Variants in RPS27A observed in about 807,000 individuals in gnomAD.
RPS27A encodes the protein ubiquitin-ribosomal protein eS31 fusion protein.
In RPS27A, 1 loss-of-function variant was observed where a neutral mutation model predicts 18.9. That is an observed-to-expected ratio of 0.05 (90% confidence interval 0.02 to 0.25). RPS27A has a LOEUF of 0.25. Among genes scored for constraint, RPS27A ranks in the 10% least tolerant of loss-of-function variants. The pLI is 1.00. For synonymous variants in RPS27A, 77 were observed against 63.7 expected (o/e 1.21, Z -0.99); for missense variants, 123 against 187.4 (o/e 0.66, Z 2.01).
chr2:55,234,418 T>G, intron 4 of RPS27A: 1 of 597,742 alleles, frequency 1.7e-6, no homozygotes, highest in Non-Finnish European at 3.0e-6. Context: ...CCCAGGCTGG[T>G]CTCAAACTCC....
At chr2:55,234,320 G>A (rs1030565543) in intron 4 of RPS27A, 116 bp downstream of exon 4, 17 of 747,542 alleles carry the variant, frequency 2.3e-5, no homozygotes, top group African/African-American at 7.0e-5. Flanking sequence ...AGTGAGTGGC[G>A]CAGTCACTGC....
chr2:55,233,577 A>G, intron 3 of RPS27A, 160 bp downstream of exon 3: 1 of 673,486 alleles, frequency 1.5e-6, no homozygotes, highest in South Asian at 1.6e-5. Flanking sequence ...CGGGGAGCAC[A>G]GTACCTAGAT....
At chr2:55,234,539 T>G in intron 4 of RPS27A, 1 of 546,252 alleles carries the variant, frequency 1.8e-6, no homozygotes, top group Non-Finnish European at 3.3e-6. Context: ...GAAAATGGCA[T>G]TCGAATAGCA....
At position 55,235,629 on chromosome 2, in the gene RPS27A, G is replaced by T. The variant is rs536517684; in HGVS notation, c.*52G>T. 2 of 1,587,292 alleles carry T rather than the reference G, an allele frequency of 1.3e-6. No individual in the cohort carries two copies. Among genetic ancestry groups the T allele is most frequent in the Admixed American group, 3.3e-5 (2 of 59,958 alleles). On this transcript the variant is annotated 3_prime_UTR_variant, in exon 6 of 6. Coordinates refer to ENST00000272317, the MANE Select transcript of RPS27A (RefSeq NM_002954.6). ...CTAACATTTATTGTTGGGTTTTATT[G>T]CAGTAAAAAGAATGGTTTTTAAGCA...
chr2:55,232,912 A>T, intron 2 of RPS27A, 40 bp downstream of exon 2: 1 of 1,550,102 alleles, frequency 6.5e-7, no homozygotes, highest in East Asian at 2.2e-5. Context: ...AGGTCCGAAT[A>T]AGGTCCTGAG....
chr2:55,233,274 G>C (rs1431485144), intron 2 of RPS27A, 89 bp from the exon 3 acceptor site: 3 of 1,117,132 alleles, frequency 2.7e-6, no homozygotes, highest in South Asian at 2.5e-5. Context: ...CCTGTCGCTG[G>C]TTCGGTTCAG....
At position 55,232,722 on chromosome 2, in the gene RPS27A, C is replaced by G. The variant is rs1221974177; in HGVS notation, c.-18+14C>G. The G allele has an allele frequency of 8.6e-6, 9 of 1,050,686 alleles. No individual in the cohort carries two copies. Among genetic ancestry groups the G allele is most frequent in the Admixed American group, 2.0e-5 (1 of 50,506 alleles). The allele number at this position is 1,050,686 out of a possible 1,614,324, so 65.1% of individuals were successfully genotyped here. ...CCGCCATCTGCGGTGGGTGTCTGCA[C>G]TTCGGCTGCTCTCGGGTTAGCACCC... On this transcript the variant is annotated intron_variant, in intron 1 of 5. Coordinates refer to ENST00000272317, the MANE Select transcript of RPS27A (RefSeq NM_002954.6).
At chr2:55,233,816 G>A (rs1675639886) in intron 3 of RPS27A, 2 of 497,052 alleles carry the variant, frequency 4.0e-6, no homozygotes, top group Non-Finnish European at 7.3e-6. Flanking sequence ...TTTTAGTAGA[G>A]ACTGGGTTTT....
chr2:55,235,171 GT>G (rs1675725907), intron 5 of RPS27A: 2 of 712,572 alleles, frequency 2.8e-6, no homozygotes, highest in African/African-American at 3.6e-5. Context: ...AGGGTTCTGA[GT>G]TTAAAGTCGG....
chr2:55,233,380 G>A lies in RPS27A; in HGVS notation c.66G>A (p.Thr22=). The A allele has an allele frequency of 6.2e-7, 1 of 1,613,464 alleles. No individual in the cohort carries two copies. The highest frequency in any genetic ancestry group is 8.5e-7 in the Non-Finnish European group (1 of 1,179,402). ...ACTCATAGGTTGAACCCTCGGATAC[G>A]ATAGAAAATGTAAAGGCCAAGATCC... is the stretch of plus-strand genomic sequence containing the variant. ...TITLEVEPSD[T]IENVKAKIQD... Residue 22 remains threonine (T), a synonymous_variant, in exon 3 of 6, where the codon ACG becomes ACA. Transcript: ENST00000272317.
At chr2:55,234,750 T>C in intron 4 of RPS27A, 81 bp from the exon 5 acceptor site, 1 of 1,531,926 alleles carries the variant, frequency 6.5e-7, no homozygotes, top group Non-Finnish European at 9.0e-7. Flanking sequence ...CTGCTACTGC[T>C]TTTAATTAGA....
chr2:55,234,675 C>T (rs190735704), intron 4 of RPS27A, 156 bp from the exon 5 acceptor site: 74 of 808,660 alleles, frequency 9.2e-5, no homozygotes, highest in African/African-American at 9.1e-4. Context: ...TATAAACTGT[C>T]AGTTAAGAAT....
chr2:55,232,816 G>A lies in RPS27A; in HGVS notation c.-9G>A. 2 of 1,611,378 alleles carry A rather than the reference G, an allele frequency of 1.2e-6. No homozygotes were observed. The highest frequency in any genetic ancestry group is 1.1e-5 in the South Asian group (1 of 90,384). ...CTTTTCCTCAACCTCAGGTGGAGCC[G>A]CCACCAAAATGCAGATTTTCGTGAA... On this transcript the variant is annotated 5_prime_UTR_variant, in exon 2 of 6. Transcript: ENST00000272317.
At chr2:55,232,571 C>G, upstream of RPS27A, 1 of 576,506 alleles carries the variant, frequency 1.7e-6, no homozygotes, top group Non-Finnish European at 3.1e-6. Context: ...ACGTCCTAGT[C>G]TGGCACCGGG....
chr2:55,234,429 T>C, intron 4 of RPS27A: 1 of 593,494 alleles, frequency 1.7e-6, no homozygotes, highest in East Asian at 2.8e-5. Context: ...CTCAAACTCC[T>C]GGGCATAAGT....
At chr2:55,234,787 T>G (rs1251584447) in intron 4 of RPS27A, 44 bp from the exon 5 acceptor site, 10 of 1,610,208 alleles carry the variant, frequency 6.2e-6, no homozygotes, top group Non-Finnish European at 7.6e-6. Context: ...GTGTGCCCAT[T>G]CTTAGTGGAA....
intron 3 of RPS27A, 180 bp from the exon 4 acceptor site, chr2:55,233,939 C>T: frequency 1.5e-6 from 1 of 661,984 alleles, no homozygotes; most frequent in East Asian, 2.7e-5. Flanking sequence ...CAAGTATTGT[C>T]CCTAATATTA....
upstream of RPS27A, chr2:55,232,559 T>G: frequency 1.8e-6 from 1 of 561,706 alleles, no homozygotes; most frequent in Non-Finnish European, 3.2e-6. Flanking sequence ...GAAACGAAGT[T>G]CACGTCCTAG....
At chr2:55,235,165 T>G in intron 5 of RPS27A, 2 of 718,146 alleles carry the variant, frequency 2.8e-6, no homozygotes, top group South Asian at 3.7e-5. Context: ...TGTAATAGGG[T>G]TCTGAGTTTA....
Sources: allele counts gnomAD v4.1 joint callset, GRCh38; gene constraint gnomAD v4.1.1; transcripts MANE v1.5; gene names NCBI Gene and HGNC (gene_info 2026-07-23, HGNC 2026-07-21).